Variants in RAP1A observed in about 807,000 individuals in gnomAD.
The protein encoded by RAP1A is RAP1A, member of RAS oncogene family, also known as ras-related protein Rap-1A.
Under a neutral mutation model 26.4 loss-of-function variants are expected in RAP1A, and 6 were observed. The observed-to-expected ratio is 0.23, with a 90% confidence interval of 0.12 to 0.45. The LOEUF (loss-of-function observed/expected upper bound fraction) is 0.45, where lower values mean the gene tolerates loss of function less well. RAP1A is among the 20% of genes least tolerant of loss of function. The pLI is 0.99. For synonymous variants in RAP1A, 73 were observed against 79.4 expected (o/e 0.92, Z 0.43); for missense variants, 121 against 217.2 (o/e 0.56, Z 2.78).
chr1:111,551,652 CA>C (rs1657262493), intron 1 of RAP1A, among the ~76,000 whole-genome samples: 1 of 152,040 alleles, frequency 6.6e-6, no homozygotes, highest in South Asian at 2.1e-4. Flanking sequence ...AAGGGAGTTA[CA>C]AACAAAAATA....
intron 7 of RAP1A, among the ~76,000 whole-genome samples, chr1:111,711,386 T>C (rs532448816): frequency 6.6e-6 from 1 of 152,284 alleles, no homozygotes; most frequent in South Asian, 2.1e-4. Context: ...AAAGGTGCCA[T>C]CTCCTGGCCT....
chr1:111,662,175 C>A (rs1049726631), intron 1 of RAP1A, among the ~76,000 whole-genome samples: 1 of 152,016 alleles, frequency 6.6e-6, no homozygotes, highest in African/African-American at 2.4e-5. Context: ...GCGGGCAGAT[C>A]ATGAGGTCAG....
rs538959211 is a variant in RAP1A at position 111,647,457 on chromosome 1, C to T, written c.-28+27523C>T. Reference sequence around the variant, plus strand: ...TGAATCATCCTGAATCCATCTCCCACGCCCACTCCAGTCTGTGAAAAAATT... The same window carrying T: ...TGAATCATCCTGAATCCATCTCCCATGCCCACTCCAGTCTGTGAAAAAATT... On this transcript the variant is annotated intron_variant, in intron 1 of 7. Transcript: ENST00000369709. Among the ~76,000 whole-genome samples, 5 of 152,322 alleles carry T rather than the reference C, an allele frequency of 3.3e-5. No homozygotes were observed. In the East Asian group the frequency reaches 7.7e-4, roughly 23 times the overall value.
At chr1:111,611,885 C>T (rs1423743109) in intron 1 of RAP1A, among the ~76,000 whole-genome samples, 3 of 152,170 alleles carry the variant, frequency 2.0e-5, no homozygotes, top group African/African-American at 7.2e-5. Context: ...TATCTAAATT[C>T]AAATTCAACT....
chr1:111,650,324 C>A (rs997166659), intron 1 of RAP1A: 1 of 151,906 alleles, frequency 6.6e-6, no homozygotes, highest in Non-Finnish European at 1.5e-5. Flanking sequence ...AGAAAGACTT[C>A]TATATGATTT....
At chr1:111,671,857 T>G in intron 1 of RAP1A, among the ~76,000 whole-genome samples, 1 of 152,374 alleles carries the variant, frequency 6.6e-6, no homozygotes, top group Middle Eastern at 3.4e-3. Flanking sequence ...CTTTCTTCAC[T>G]TATGGATTAT....
At chr1:111,567,551 C>A (rs1373325102) in intron 1 of RAP1A, among the ~76,000 whole-genome samples, 1 of 152,118 alleles carries the variant, frequency 6.6e-6, no homozygotes, top group Non-Finnish European at 1.5e-5. Context: ...AGCCCTAGCC[C>A]CAAAGGTAAC....
At chr1:111,545,351 A>G (rs1656998187) in intron 1 of RAP1A, among the ~76,000 whole-genome samples, 1 of 151,922 alleles carries the variant, frequency 6.6e-6, no homozygotes, top group Non-Finnish European at 1.5e-5. Flanking sequence ...TGTAGTCTTA[A>G]TTTGCATTTG....
At chr1:111,604,100 G>A (rs551704092) in intron 1 of RAP1A, among the ~76,000 whole-genome samples, 4 of 152,340 alleles carry the variant, frequency 2.6e-5, no homozygotes, top group African/African-American at 4.8e-5. Flanking sequence ...GAGGAGCAAC[G>A]TGAATGCGGA....
chr1:111,552,414 G>T (rs758489693), intron 1 of RAP1A, among the ~76,000 whole-genome samples: 10 of 152,156 alleles, frequency 6.6e-5, no homozygotes, highest in Non-Finnish European at 1.3e-4. Context: ...TGTTCCCTGA[G>T]TTGCTGCAAG....
intron 1 of RAP1A, among the ~76,000 whole-genome samples, chr1:111,675,339 G>C (rs1381826076): frequency 6.6e-6 from 1 of 152,108 alleles, no homozygotes; most frequent in Non-Finnish European, 1.5e-5. Context: ...AGGTGTGGTG[G>C]CGGGCACCTG....
intron 1 of RAP1A, among the ~76,000 whole-genome samples, chr1:111,625,213 C>T (rs1659357110): frequency 6.6e-6 from 1 of 152,114 alleles, no homozygotes; most frequent in African/African-American, 2.4e-5. Context: ...ACATGTTACT[C>T]CTTCACGGTT....
At chr1:111,585,198 GGGA>G (rs1658340797) in intron 1 of RAP1A, among the ~76,000 whole-genome samples, 1 of 152,136 alleles carries the variant, frequency 6.6e-6, no homozygotes, top group African/African-American at 2.4e-5. Flanking sequence ...CTAGCTCCAG[GGGA>G]GGACTAACAG....
rs1270494357 is a variant in RAP1A, at chr1:111,714,295, T to G, written c.*1894T>G. The G allele has an allele frequency of 6.6e-6, 1 of 152,200 alleles. No individual in the cohort carries two copies. The highest frequency in any genetic ancestry group is 1.5e-5 in the Non-Finnish European group (1 of 68,036). 9.4% of individuals were successfully genotyped at this position (152,200 alleles called of 1,614,324 possible). On this transcript the variant is annotated 3_prime_UTR_variant, in exon 8 of 8. Transcript: ENST00000369709. ...CCAGTTGTCAGGTCAGGGTGGCATC[T>G]TTTATTTTAAGGTCCTCTAAAGTCA... is the stretch of plus-strand genomic sequence containing the variant.
At position 111,687,409 on chromosome 1, in the gene RAP1A, T is replaced by C. The variant is rs533194989; in HGVS notation, c.-27-3925T>C. Among the ~76,000 whole-genome samples the C allele has an allele frequency of 2.6e-5, 4 of 152,222 alleles. No homozygotes were observed. In the East Asian group the frequency reaches 7.8e-4, roughly 30 times the overall value. On this transcript the variant is annotated intron_variant, in intron 1 of 7. Transcript: ENST00000369709. ...TTTTAGTAGAGATGGGATTTTGCCA[T>C]GTTGGCCATGCTGGTCTCCGACTCC...
chr1:111,633,030 T>C (rs1659620324), intron 1 of RAP1A, among the ~76,000 whole-genome samples: 1 of 152,088 alleles, frequency 6.6e-6, no homozygotes, highest in South Asian at 2.1e-4. Context: ...TCATGAGGTA[T>C]GGTGTCTTGT....
At chr1:111,691,682 A>G (rs1661676073) in intron 2 of RAP1A, among the ~76,000 whole-genome samples, 1 of 152,154 alleles carries the variant, frequency 6.6e-6, no homozygotes, top group African/African-American at 2.4e-5. Flanking sequence ...GAGGAGTAAG[A>G]TTGTTCTCTT....
intron 2 of RAP1A, among the ~76,000 whole-genome samples, chr1:111,693,742 A>G (rs150371052): frequency 8.5e-5 from 13 of 152,266 alleles, no homozygotes; most frequent in African/African-American, 3.1e-4. Context: ...GGAAGATTCC[A>G]CTGTAAACTT....
At chr1:111,665,246 G>A (rs12141519) in intron 1 of RAP1A, among the ~76,000 whole-genome samples, 2,125 of 152,180 alleles carry the variant, frequency 0.014, 27 homozygotes, top group Non-Finnish European at 0.018. Context: ...TTATAATTAT[G>A]CATTTTTACT....
Sources: allele counts gnomAD v4.1 joint callset (sites outside exome capture counted in the v4.1 genomes callset), GRCh38; gene constraint gnomAD v4.1.1; transcripts MANE v1.5; gene names NCBI Gene and HGNC (gene_info 2026-07-23, HGNC 2026-07-21).